Variants in RALYL observed in about 807,000 individuals in gnomAD.
RALYL encodes the protein RNA-binding Raly-like protein.
A neutral mutation model predicts 35.1 loss-of-function variants in RALYL; 29 were observed. The ratio of observed to expected loss-of-function variants is 0.83; its 90% CI spans 0.61 to 1.13. The LOEUF (loss-of-function observed/expected upper bound fraction) is 1.13, where lower values mean the gene tolerates loss of function less well. Among genes scored for constraint, RALYL ranks in the 50% most tolerant of loss-of-function variants. RALYL has a pLI of 0.00. For synonymous variants in RALYL, 120 were observed against 127.6 expected (o/e 0.94, Z 0.40); for missense variants, 359 against 360.4 (o/e 1.00, Z 0.03).
intron 1 of RALYL, among the ~76,000 whole-genome samples, chr8:84,516,391 T>C (rs924110130): frequency 2.2e-5 from 3 of 136,964 alleles, no homozygotes; most frequent in African/African-American, 5.2e-5. Context: ...CAAATCCATA[T>C]ATTTAAATTT....
At chr8:84,766,074 T>C (rs1326204326) in intron 2 of RALYL, among the ~76,000 whole-genome samples, 2 of 152,120 alleles carry the variant, frequency 1.3e-5, no homozygotes, top group Non-Finnish European at 2.9e-5. Flanking sequence ...GTGTAAATTA[T>C]ATTTAATTTA....
chr8:84,813,201 G>A (rs1344359691), intron 4 of RALYL, among the ~76,000 whole-genome samples: 2 of 152,186 alleles, frequency 1.3e-5, no homozygotes, highest in African/African-American at 4.8e-5. Flanking sequence ...CCAGTCGGGG[G>A]TGTGTGTTTG....
At chr8:84,424,250 T>C in intron 1 of RALYL, among the ~76,000 whole-genome samples, 1 of 147,982 alleles carries the variant, frequency 6.8e-6, no homozygotes, top group Non-Finnish European at 1.5e-5. Flanking sequence ...TGCTCATTTG[T>C]TTTTATTCTT....
intron 1 of RALYL, among the ~76,000 whole-genome samples, chr8:84,361,039 G>T (rs932532877): frequency 2.6e-5 from 4 of 151,772 alleles, no homozygotes; most frequent in Non-Finnish European, 5.9e-5. Flanking sequence ...AGATGGATTA[G>T]TATTTCCTCT....
intron 8 of RALYL, among the ~76,000 whole-genome samples, chr8:84,899,782 C>T (rs17737277): frequency 0.027 from 4,089 of 152,168 alleles, 103 homozygotes; most frequent in South Asian, 0.089. Flanking sequence ...TTTGAAGTAA[C>T]CTGAATTTAG....
chr8:84,431,717 A>T (rs1017613125), intron 1 of RALYL, among the ~76,000 whole-genome samples: 6 of 152,128 alleles, frequency 3.9e-5, no homozygotes, highest in Non-Finnish European at 8.8e-5. Flanking sequence ...TGGTGAGGCA[A>T]ATGGCAGGAT....
intron 1 of RALYL, among the ~76,000 whole-genome samples, chr8:84,277,661 G>A (rs1304277078): frequency 6.6e-6 from 1 of 152,184 alleles, no homozygotes; most frequent in Non-Finnish European, 1.5e-5. Context: ...TACAGGCATT[G>A]GATAAATACA....
intron 2 of RALYL, among the ~76,000 whole-genome samples, chr8:84,608,088 A>G (rs1048639952): frequency 1.3e-5 from 2 of 152,088 alleles, no homozygotes; most frequent in Non-Finnish European, 2.9e-5. Flanking sequence ...GTTTATGGAC[A>G]TGCTTTGAGT....
chr8:84,308,937 A>T (rs1457679014), intron 1 of RALYL, among the ~76,000 whole-genome samples: 1 of 151,934 alleles, frequency 6.6e-6, no homozygotes, highest in Non-Finnish European at 1.5e-5. Flanking sequence ...AACAAATATC[A>T]AGGGTCATGA....
intron 1 of RALYL, among the ~76,000 whole-genome samples, chr8:84,432,889 A>T (rs947446363): frequency 6.6e-6 from 1 of 152,088 alleles, no homozygotes; most frequent in African/African-American, 2.4e-5. Flanking sequence ...ACAATTTCAG[A>T]CTTCTATCCT....
intron 1 of RALYL, among the ~76,000 whole-genome samples, chr8:84,462,072 C>G (rs2050851771): frequency 6.6e-6 from 1 of 151,526 alleles, no homozygotes. Flanking sequence ...TGAATGAGAG[C>G]TCCTGTAGTC....
chr8:84,690,353 G>C (rs865790458), intron 2 of RALYL, among the ~76,000 whole-genome samples: 48 of 152,212 alleles, frequency 3.2e-4, no homozygotes, highest in African/African-American at 1.1e-3. Flanking sequence ...GCAGATAATA[G>C]GATGGTAGTT....
intron 1 of RALYL, among the ~76,000 whole-genome samples, chr8:84,454,605 G>A (rs2049924044): frequency 6.6e-6 from 1 of 152,120 alleles, no homozygotes; most frequent in Non-Finnish European, 1.5e-5. Flanking sequence ...TGCACTGGCT[G>A]AGGCTTTGTG....
chr8:84,312,434 A>G (rs755025998), intron 1 of RALYL, among the ~76,000 whole-genome samples: 60 of 152,204 alleles, frequency 3.9e-4, no homozygotes, highest in Non-Finnish European at 7.2e-4. Context: ...TCAAAAGTCC[A>G]AGTCCACAAT....
intron 1 of RALYL, among the ~76,000 whole-genome samples, chr8:84,430,744 C>A (rs1028367407): frequency 6.6e-6 from 1 of 151,952 alleles, no homozygotes; most frequent in Non-Finnish European, 1.5e-5. Flanking sequence ...TAGATAGCTT[C>A]AGAATATATG....
intron 1 of RALYL, among the ~76,000 whole-genome samples, chr8:84,474,918 T>C (rs72679340): frequency 0.013 from 1,847 of 145,040 alleles, 19 homozygotes; most frequent in Middle Eastern, 0.025. Context: ...TGTTTGTTTG[T>C]TGTTTTATTA....
At chr8:84,491,418 G>C (rs943871503) in intron 1 of RALYL, among the ~76,000 whole-genome samples, 1 of 151,962 alleles carries the variant, frequency 6.6e-6, no homozygotes, top group South Asian at 2.1e-4. Context: ...AATGCCTGAG[G>C]TGGGGTATAT....
chr8:84,349,332 A>G (rs1850425810), intron 1 of RALYL, among the ~76,000 whole-genome samples: 1 of 150,492 alleles, frequency 6.6e-6, no homozygotes, highest in African/African-American at 2.5e-5. Context: ...AGCAACTTGT[A>G]TTGTGAATTT....
At chr8:84,828,201 GC>G (rs907229262) in intron 4 of RALYL, among the ~76,000 whole-genome samples, 2 of 152,050 alleles carry the variant, frequency 1.3e-5, no homozygotes, top group Non-Finnish European at 2.9e-5. Flanking sequence ...ATAAGAAACA[GC>G]CTATTAAATG....
Sources: allele counts gnomAD v4.1 joint callset (sites outside exome capture counted in the v4.1 genomes callset), GRCh38; gene constraint gnomAD v4.1.1; transcripts MANE v1.5; gene names NCBI Gene and HGNC (gene_info 2026-07-23, HGNC 2026-07-21).